ANKS1B: variants seen among roughly 807,000 people sequenced by gnomAD.
ANKS1B encodes the protein ankyrin repeat and sterile alpha motif domain-containing protein 1B.
Under a neutral mutation model 148.3 loss-of-function variants are expected in ANKS1B, and 36 were observed. The observed-to-expected ratio is 0.24, with a 90% CI of 0.19 to 0.32. The LOEUF is 0.32. Ranked by LOEUF, ANKS1B falls within the 10% of genes least tolerant of loss-of-function variation. The pLI is 1.00. For synonymous variants in ANKS1B, 542 were observed against 560.8 expected (o/e 0.97, Z 0.47); for missense variants, 1,157 against 1,542.6 (o/e 0.75, Z 4.19).
At chr12:98,753,377 C>T (rs531213760) in intron 25 of ANKS1B, among the ~76,000 whole-genome samples, 30 of 152,288 alleles carry the variant, frequency 2.0e-4, no homozygotes, top group African/African-American at 6.7e-4. Context: ...AGAGAGTGTT[C>T]TGAAGGTCAC....
At chr12:99,942,398 T>C (rs556598589) in intron 1 of ANKS1B, among the ~76,000 whole-genome samples, 6 of 152,264 alleles carry the variant, frequency 3.9e-5, no homozygotes, top group African/African-American at 1.4e-4. Flanking sequence ...AAACTCAGTT[T>C]GCAAGGAGTT....
chr12:99,565,464 GA>G (rs1223451486), intron 9 of ANKS1B, among the ~76,000 whole-genome samples: 3 of 152,134 alleles, frequency 2.0e-5, no homozygotes, highest in Non-Finnish European at 4.4e-5. Flanking sequence ...GGGGGAAAAT[GA>G]AAAGTAAAAA....
At chr12:99,784,038 CA>C (rs934320051) in intron 4 of ANKS1B, among the ~76,000 whole-genome samples, 8 of 151,480 alleles carry the variant, frequency 5.3e-5, no homozygotes, top group South Asian at 2.1e-4. Flanking sequence ...ATTTAAAAGC[CA>C]AAAAAAATTT....
intron 17 of ANKS1B, among the ~76,000 whole-genome samples, chr12:98,964,002 G>A (rs1220174585): frequency 2.6e-5 from 4 of 152,096 alleles, no homozygotes; most frequent in African/African-American, 9.7e-5. Context: ...GGAGGCTGAG[G>A]CAAGAGAATT....
At chr12:99,525,020 C>T (rs147314968) in intron 9 of ANKS1B, among the ~76,000 whole-genome samples, 14 of 152,236 alleles carry the variant, frequency 9.2e-5, no homozygotes, top group African/African-American at 3.4e-4. Context: ...TCCCTAGAGC[C>T]TCCAGAAAGG....
chr12:99,949,338 C>T (rs2095154404), intron 1 of ANKS1B, among the ~76,000 whole-genome samples: 2 of 151,932 alleles, frequency 1.3e-5, no homozygotes, highest in Non-Finnish European at 2.9e-5. Context: ...GCTGAGATGG[C>T]AAAGAAGGAG....
chr12:99,891,652 G>A (rs559184783), intron 1 of ANKS1B, among the ~76,000 whole-genome samples: 16 of 152,110 alleles, frequency 1.1e-4, no homozygotes, highest in African/African-American at 3.9e-4. Context: ...AATAAACTTT[G>A]GATATTGGTA....
chr12:99,125,812 C>T (rs944936561), intron 15 of ANKS1B, among the ~76,000 whole-genome samples: 4 of 151,808 alleles, frequency 2.6e-5, no homozygotes, highest in Non-Finnish European at 4.4e-5. Context: ...AATCTGGGCC[C>T]TTTTCTTAAA....
chr12:98,919,747 G>T (rs2099798900), intron 17 of ANKS1B, among the ~76,000 whole-genome samples: 1 of 151,988 alleles, frequency 6.6e-6, no homozygotes, highest in South Asian at 2.1e-4. Flanking sequence ...CTTTTCATAG[G>T]GTCCCTTTCC....
chr12:98,996,722 AG>A (rs1376468383), intron 17 of ANKS1B, among the ~76,000 whole-genome samples: 1 of 146,006 alleles, frequency 6.8e-6, no homozygotes, highest in Non-Finnish European at 1.5e-5. Flanking sequence ...CTGAGGCAGG[AG>A]AATGGCATGA....
chr12:98,945,833 T>C (rs1047635749), intron 17 of ANKS1B, among the ~76,000 whole-genome samples: 4 of 152,322 alleles, frequency 2.6e-5, no homozygotes, highest in Admixed American at 1.3e-4. Flanking sequence ...GCTACTGAAT[T>C]CAGCACTTCA....
intron 17 of ANKS1B, among the ~76,000 whole-genome samples, chr12:98,891,160 A>G (rs1201962146): frequency 6.6e-6 from 1 of 152,226 alleles, no homozygotes; most frequent in East Asian, 1.9e-4. Flanking sequence ...GAATTTAGTA[A>G]CAGAGAAGAT....
intron 9 of ANKS1B, among the ~76,000 whole-genome samples, chr12:99,587,673 G>A (rs2097656758): frequency 6.6e-6 from 1 of 152,148 alleles, no homozygotes; most frequent in Non-Finnish European, 1.5e-5. Context: ...AGGGTAGATG[G>A]TACTGCCTCA....
At chr12:99,102,518 C>T (rs1332782133) in intron 15 of ANKS1B, among the ~76,000 whole-genome samples, 1 of 152,028 alleles carries the variant, frequency 6.6e-6, no homozygotes, top group Non-Finnish European at 1.5e-5. Flanking sequence ...CTAAGATAGG[C>T]AGATTGCTTG....
intron 17 of ANKS1B, among the ~76,000 whole-genome samples, chr12:98,953,666 C>G (rs571188665): frequency 6.9e-6 from 1 of 145,916 alleles, no homozygotes; most frequent in Non-Finnish European, 1.5e-5. Context: ...TCTTCCTCTT[C>G]CTTAAATTTC....
intron 12 of ANKS1B, among the ~76,000 whole-genome samples, chr12:99,298,735 G>A (rs537857901): frequency 1.3e-5 from 2 of 152,120 alleles, no homozygotes; most frequent in South Asian, 4.1e-4. Flanking sequence ...GCTTAATCCT[G>A]TCAATCTGGC....
At chr12:98,998,258 G>A (rs966320586) in intron 17 of ANKS1B, among the ~76,000 whole-genome samples, 8 of 152,084 alleles carry the variant, frequency 5.3e-5, no homozygotes, top group African/African-American at 1.7e-4. Flanking sequence ...ATATGACAAG[G>A]GATTAAGACT....
At chr12:99,971,209 T>C (rs2095554116) in intron 1 of ANKS1B, among the ~76,000 whole-genome samples, 1 of 152,168 alleles carries the variant, frequency 6.6e-6, no homozygotes, top group African/African-American at 2.4e-5. Flanking sequence ...AGTTTAACCA[T>C]TGTTTGTAAT....
chr12:99,475,056 G>T (rs1012787118), intron 10 of ANKS1B, among the ~76,000 whole-genome samples: 3 of 151,330 alleles, frequency 2.0e-5, no homozygotes, highest in Admixed American at 6.6e-5. Flanking sequence ...GGCCAACATG[G>T]TGAAATGCCA....
Sources: gnomAD v4.1 joint callset for allele counts (sites outside exome capture counted in the v4.1 genomes callset) on GRCh38, gnomAD v4.1.1 for gene constraint, MANE v1.5 for transcripts, NCBI Gene and HGNC (gene_info 2026-07-23, HGNC 2026-07-21) for gene names.